SORCS1: variants seen among roughly 807,000 people sequenced by gnomAD.
SORCS1 encodes sortilin related VPS10 domain containing receptor 1.
A neutral mutation model predicts 146.1 loss-of-function variants in SORCS1; 60 were observed. That is an observed-to-expected ratio of 0.41 (90% CI 0.33 to 0.51). The LOEUF (loss-of-function observed/expected upper bound fraction) is 0.51, where lower values mean the gene tolerates loss of function less well. Among genes scored for constraint, SORCS1 ranks in the 20% least tolerant of loss-of-function variants. SORCS1 has a pLI of 0.21. For missense variants in SORCS1, 1,352 were observed against 1,487.6 expected (o/e 0.91, Z 1.50); for synonymous variants, 637 against 584.0 (o/e 1.09, Z -1.31).
intron 1 of SORCS1, 103 bp from the exon 2 acceptor site, chr10:106,956,683 A>G: frequency 1.1e-6 from 1 of 915,100 alleles, no homozygotes. Flanking sequence ...TAGTCACTTA[A>G]CATAATTGAA....
Position 107,119,688 on chromosome 10 carries a change from A to G in SORCS1, c.558+44281T>C, listed in dbSNP as rs112868030. ...TATTTTACAATAGGAAGTCTAATCC[A>G]CAGAGAGATTAACCTAGTTGTCCAT... On this transcript the variant is annotated intron_variant, in intron 1 of 25. Coordinates refer to ENST00000263054, the MANE Select transcript of SORCS1 (RefSeq NM_052918.5). Among the ~76,000 whole-genome samples, 242 of 152,352 alleles carry G rather than the reference A, an allele frequency of 1.6e-3. 2 individuals carry two copies. Among genetic ancestry groups the G allele is most frequent in the African/African-American group, 5.5e-3 (229 of 41,588 alleles).
At chr10:107,003,754 C>G (rs1957316546) in intron 1 of SORCS1, among the ~76,000 whole-genome samples, 1 of 152,122 alleles carries the variant, frequency 6.6e-6, no homozygotes, top group Non-Finnish European at 1.5e-5. Flanking sequence ...GATCCTACCT[C>G]TGGCTCAGGA....
chr10:106,765,886 T>C (rs918127995), intron 4 of SORCS1, among the ~76,000 whole-genome samples: 5 of 152,148 alleles, frequency 3.3e-5, no homozygotes, highest in African/African-American at 1.2e-4. Context: ...TCTTTTCAGA[T>C]TGTTAGACAG....
At chr10:107,003,551 G>T (rs1050992923) in intron 1 of SORCS1, among the ~76,000 whole-genome samples, 1 of 151,752 alleles carries the variant, frequency 6.6e-6, no homozygotes, top group African/African-American at 2.4e-5. Flanking sequence ...GCCTAAGGCA[G>T]AATATTGGAT....
intron 1 of SORCS1, among the ~76,000 whole-genome samples, chr10:107,034,492 C>G (rs1958801534): frequency 6.6e-6 from 1 of 151,366 alleles, no homozygotes; most frequent in South Asian, 2.1e-4. Flanking sequence ...CCAGCCTGGC[C>G]AACATGGAGA....
intron 4 of SORCS1, among the ~76,000 whole-genome samples, chr10:106,763,764 C>A (rs1859331099): frequency 1.3e-5 from 2 of 152,194 alleles, no homozygotes; most frequent in Non-Finnish European, 2.9e-5. Flanking sequence ...AACTACCAGC[C>A]ACGTATTTAT....
At chr10:106,773,042 G>A (rs1202632685) in intron 4 of SORCS1, among the ~76,000 whole-genome samples, 13 of 152,214 alleles carry the variant, frequency 8.5e-5, no homozygotes. Flanking sequence ...TAAAGAAAAA[G>A]AGAAAAGAGG....
At chr10:106,679,755 T>C in intron 10 of SORCS1, 21 bp from the exon 11 acceptor site, 1 of 1,559,974 alleles carries the variant, frequency 6.4e-7, no homozygotes, top group Non-Finnish European at 8.8e-7. Flanking sequence ...AAATAATAAG[T>C]GCCACAAAAT....
intron 7 of SORCS1, among the ~76,000 whole-genome samples, chr10:106,707,828 C>A (rs909338519): frequency 6.6e-6 from 1 of 152,170 alleles, no homozygotes; most frequent in Non-Finnish European, 1.5e-5. Context: ...TCCTACACAG[C>A]CACTCTTAAC....
At chr10:106,980,991 G>GA (rs1014370780) in intron 1 of SORCS1, among the ~76,000 whole-genome samples, 156 of 138,636 alleles carry the variant, frequency 1.1e-3, no homozygotes, top group Middle Eastern at 3.6e-3. Flanking sequence ...TGTTTATGAG[G>GA]AAAAAAAAAA....
chr10:106,777,810 C>G (rs1235420073), intron 3 of SORCS1, among the ~76,000 whole-genome samples: 1 of 152,170 alleles, frequency 6.6e-6, no homozygotes, highest in Non-Finnish European at 1.5e-5. Context: ...CACCTAATGT[C>G]TCCAGACAGG....
rs956832159 is a variant in SORCS1 at position 107,153,957 on chromosome 10, G to GA, written c.558+10011dup. On this transcript the variant is annotated intron_variant, in intron 1 of 25. Coordinates refer to ENST00000263054, the MANE Select transcript of SORCS1 (RefSeq NM_052918.5). ...TTTAATTTTACAGTATATAATAATT[G>GA]AAAAAAACTGTTTCAAACCCTTACT... is the stretch of plus-strand genomic sequence containing the variant. Among the ~76,000 whole-genome samples the GA allele has an allele frequency of 8.9e-5, 13 of 145,836 alleles. No individual in the cohort carries two copies. In the East Asian group the frequency reaches 1.8e-3, roughly 20 times the overall value.
chr10:106,995,109 G>C (rs1172755430), intron 1 of SORCS1, among the ~76,000 whole-genome samples: 1 of 151,954 alleles, frequency 6.6e-6, no homozygotes, highest in Non-Finnish European at 1.5e-5. Flanking sequence ...TCAGGAGATC[G>C]AGACCATCCT....
chr10:106,800,511 A>ATTTTT (rs1564672399), intron 3 of SORCS1, among the ~76,000 whole-genome samples: 1 of 141,582 alleles, frequency 7.1e-6, no homozygotes. Context: ...TTCTAGGTGA[A>ATTTTT]TCTTTTTTTT....
At chr10:106,937,046 C>A (rs1013852437) in intron 2 of SORCS1, among the ~76,000 whole-genome samples, 1 of 152,160 alleles carries the variant, frequency 6.6e-6, no homozygotes, top group Non-Finnish European at 1.5e-5. Flanking sequence ...ACCCAAATCT[C>A]ATCTTGAATT....
At chr10:106,941,419 C>T (rs965915890) in intron 2 of SORCS1, among the ~76,000 whole-genome samples, 5 of 152,158 alleles carry the variant, frequency 3.3e-5, no homozygotes, top group African/African-American at 9.7e-5. Context: ...AATCTCCCCA[C>T]AGTCTCAGAG....
chr10:106,878,751 T>C (rs1246576978), intron 2 of SORCS1, among the ~76,000 whole-genome samples: 3 of 150,356 alleles, frequency 2.0e-5, no homozygotes, highest in Non-Finnish European at 4.4e-5. Context: ...AAAATTTATA[T>C]GTAATTTTAC....
intron 1 of SORCS1, among the ~76,000 whole-genome samples, chr10:107,002,078 C>T (rs954929811): frequency 1.3e-5 from 2 of 152,116 alleles, no homozygotes; most frequent in Non-Finnish European, 2.9e-5. Flanking sequence ...ACAGCGAAGA[C>T]CACTGAATTT....
chr10:106,956,706 G>A (rs1954959612), intron 1 of SORCS1, 126 bp from the exon 2 acceptor site: 1 of 785,424 alleles, frequency 1.3e-6, no homozygotes, highest in Non-Finnish European at 2.1e-6. Flanking sequence ...AATTGTTACA[G>A]CATTTGCCAC....
Sources: gnomAD v4.1 joint callset for allele counts (sites outside exome capture counted in the v4.1 genomes callset) on GRCh38, gnomAD v4.1.1 for gene constraint, MANE v1.5 for transcripts, NCBI Gene and HGNC (gene_info 2026-07-23, HGNC 2026-07-21) for gene names.